Variants in LRP1B observed in about 807,000 individuals in gnomAD.
LRP1B encodes the protein LDL receptor related protein 1B.
A neutral mutation model predicts 556.6 loss-of-function variants in LRP1B; 217 were observed. The ratio of observed to expected loss-of-function variants is 0.39; its 90% CI spans 0.35 to 0.44. LRP1B has a LOEUF of 0.44. Ranked by LOEUF, LRP1B falls within the 20% of genes least tolerant of loss-of-function variation. The pLI, the probability that LRP1B is intolerant of heterozygous loss-of-function variation, is 1.00. For missense variants in LRP1B, 5,053 were observed against 5,620.8 expected, an observed-to-expected ratio of 0.90 and a Z score of 3.23; for synonymous variants, 2,047 against 1,865.8, an observed-to-expected ratio of 1.10 and a Z score of -2.50.
At chr2:141,363,768 A>T (rs34282949) in intron 3 of LRP1B, among the ~76,000 whole-genome samples, 9,506 of 152,222 alleles carry the variant, frequency 0.062, 411 homozygotes, top group African/African-American at 0.11. Context: ...TGCTGAAAAA[A>T]TTCCCCAATT....
intron 32 of LRP1B, among the ~76,000 whole-genome samples, chr2:140,782,525 T>A (rs1057355801): frequency 6.6e-6 from 1 of 152,062 alleles, no homozygotes; most frequent in South Asian, 2.1e-4. Flanking sequence ...ATCTCAGACC[T>A]CTCGCCTCCA....
chr2:141,177,691 A>C, intron 7 of LRP1B, among the ~76,000 whole-genome samples: 1 of 152,154 alleles, frequency 6.6e-6, no homozygotes, highest in Non-Finnish European at 1.5e-5. Flanking sequence ...GAAAAGAACA[A>C]GTCCAAAACT....
In LRP1B at chr2:140,838,472, T is replaced by A. The variant is rs186591513; in HGVS notation, c.5209+1519A>T. Among the ~76,000 whole-genome samples the A allele has an allele frequency of 4.3e-3, 657 of 152,292 alleles. 1 individual carries two copies. Among genetic ancestry groups the A allele is most frequent in the Middle Eastern group, 0.01 (3 of 292 alleles). ...AGAAAATAGCTGTTAACAGTATCAT[T>A]TTATATGAGAGGTTTATTCTATAGA... On this transcript the variant is annotated intron_variant, in intron 31 of 90. Transcript: ENST00000389484.
At chr2:141,048,918 A>G in intron 11 of LRP1B, 68 bp downstream of exon 11, 1 of 1,216,998 alleles carries the variant, frequency 8.2e-7, no homozygotes. Flanking sequence ...TCTGACACAC[A>G]CTGGATTTAT....
In LRP1B at chr2:141,810,286, T is replaced by C; in HGVS notation, c.198A>G (p.Leu66=). 11 of 1,613,008 alleles carry C rather than the reference T, an allele frequency of 6.8e-6. No homozygotes were observed. Among genetic ancestry groups the C allele is most frequent in the Non-Finnish European group, 9.3e-6 (11 of 1,179,348 alleles). The change falls in exon 2 of 91, where the codon TTA becomes TTG. Residue 66 remains leucine, a synonymous_variant. Transcript: ENST00000389484. ...PDCPDDSDES[L]DTCPEEVEIK... is the part of the protein sequence containing the mutation. ...GAGAACCTTTCTACTCACAGGTATCTAAAGACTCGTCTGAATCATCAGGGC... is the reference window on the plus strand; with the variant it reads ...GAGAACCTTTCTACTCACAGGTATCCAAAGACTCGTCTGAATCATCAGGGC...
intron 2 of LRP1B, among the ~76,000 whole-genome samples, chr2:141,791,822 T>C (rs1480427977): frequency 6.6e-6 from 1 of 152,004 alleles, no homozygotes; most frequent in Non-Finnish European, 1.5e-5. Context: ...GTTAATTAAT[T>C]AATTATGTTA....
At chr2:141,507,073 G>A (rs1293460043) in intron 2 of LRP1B, among the ~76,000 whole-genome samples, 2 of 152,050 alleles carry the variant, frequency 1.3e-5, no homozygotes, top group Admixed American at 6.6e-5. Flanking sequence ...TCATCGGAAG[G>A]GTTATTGCTG....
intron 2 of LRP1B, among the ~76,000 whole-genome samples, chr2:141,536,309 T>C (rs939097411): frequency 2.0e-5 from 3 of 152,116 alleles, no homozygotes; most frequent in Admixed American, 6.6e-5. Context: ...TTTGGTAGTT[T>C]ATGTTTTTCT....
At chr2:140,305,820 A>G (rs1471684112) in intron 83 of LRP1B, among the ~76,000 whole-genome samples, 1 of 152,016 alleles carries the variant, frequency 6.6e-6, no homozygotes, top group Non-Finnish European at 1.5e-5. Flanking sequence ...ATTTTGAGAT[A>G]TGTCCCATCA....
chr2:141,379,814 C>G (rs1689572472), intron 3 of LRP1B, among the ~76,000 whole-genome samples: 1 of 152,034 alleles, frequency 6.6e-6, no homozygotes, highest in South Asian at 2.1e-4. Flanking sequence ...GCTTTTCCCC[C>G]TAGGCAAGCA....
In LRP1B at chr2:141,049,212, A is replaced by G. The variant is rs776307580; in HGVS notation, c.1563T>C (p.Asn521=). Residue 521 remains asparagine (N), a synonymous_variant, in exon 11 of 91, where the codon AAT becomes AAC. Coordinates refer to ENST00000389484, the MANE Select transcript of LRP1B (RefSeq NM_018557.3). ...CTTTCCCATAAAAGAGGAACAACTC[A>G]TTCTTTGGTCCTGCAGAGGAAAGAT... ...SDGRSCKRPK[N]ELFLFYGKGR... is the part of the protein sequence containing the mutation. The G allele has an allele frequency of 2.4e-5, 38 of 1,607,988 alleles. No homozygotes were observed. The Middle Eastern group carries it at 2.3e-3, about 98-fold the overall frequency.
intron 83 of LRP1B, among the ~76,000 whole-genome samples, chr2:140,305,642 A>G (rs1200499422): frequency 1.3e-5 from 2 of 152,018 alleles, no homozygotes; most frequent in East Asian, 3.9e-4. Context: ...AATACCCTTT[A>G]TTTCTTTCTC....
chr2:140,914,630 A>G (rs940112477), intron 21 of LRP1B, among the ~76,000 whole-genome samples: 7 of 152,116 alleles, frequency 4.6e-5, no homozygotes, highest in African/African-American at 1.7e-4. Flanking sequence ...AAATTAAGAG[A>G]AGAATATCTA....
chr2:141,229,096 C>T, intron 6 of LRP1B, 87 bp downstream of exon 6: 1 of 1,323,582 alleles, frequency 7.6e-7, no homozygotes, highest in Non-Finnish European at 1.1e-6. Flanking sequence ...CAGCCATGAG[C>T]TATGCTAGAA....
At chr2:141,501,268 A>C (rs1022782600) in intron 2 of LRP1B, among the ~76,000 whole-genome samples, 1 of 152,156 alleles carries the variant, frequency 6.6e-6, no homozygotes, top group African/African-American at 2.4e-5. Flanking sequence ...TAATAAATTC[A>C]AGCTAGAAAA....
intron 7 of LRP1B, among the ~76,000 whole-genome samples, chr2:141,087,327 ATGG>A (rs1362987273): frequency 6.6e-6 from 1 of 152,178 alleles, no homozygotes; most frequent in Non-Finnish European, 1.5e-5. Context: ...AAGGGAATAC[ATGG>A]CGGTCCTACC....
chr2:140,560,427 A>G (rs1310388662), intron 43 of LRP1B, among the ~76,000 whole-genome samples: 1 of 152,146 alleles, frequency 6.6e-6, no homozygotes, highest in Non-Finnish European at 1.5e-5. Flanking sequence ...AAATGTTAAC[A>G]TTTGGGGAAG....
chr2:140,948,123 T>G (rs1352795929), intron 20 of LRP1B, among the ~76,000 whole-genome samples: 24 of 152,154 alleles, frequency 1.6e-4, no homozygotes, highest in Admixed American at 1.5e-3. Flanking sequence ...CGTTTAAACT[T>G]AGTGATAAAT....
At chr2:141,115,356 C>T (rs2104978908) in intron 7 of LRP1B, among the ~76,000 whole-genome samples, 1 of 152,060 alleles carries the variant, frequency 6.6e-6, no homozygotes, top group South Asian at 2.1e-4. Flanking sequence ...ATACCCTGGA[C>T]ACTACTGCTA....
Sources: allele counts gnomAD v4.1 joint callset (sites outside exome capture counted in the v4.1 genomes callset), GRCh38; gene constraint gnomAD v4.1.1; transcripts MANE v1.5; gene names NCBI Gene and HGNC (gene_info 2026-07-23, HGNC 2026-07-21).